Variants in NIBAN1 observed in about 807,000 individuals in gnomAD.
The protein encoded by NIBAN1 is protein Niban 1.
NIBAN1 carries 81 observed loss-of-function variants against 75.1 expected under a neutral mutation model. The observed-to-expected ratio is 1.08, with a 90% CI of 0.90 to 1.30. The LOEUF (loss-of-function observed/expected upper bound fraction) is 1.30. NIBAN1 is among the 50% of genes most tolerant of loss of function. The probability of loss-of-function intolerance (pLI) is 0.00; values close to 1 mark genes in which losing one functional copy is unlikely to be tolerated. For synonymous variants in NIBAN1, 436 were observed against 424.8 expected, an observed-to-expected ratio of 1.03 and a Z score of -0.32; for missense variants, 1,133 against 1,128.1, an observed-to-expected ratio of 1.00 and a Z score of -0.06.
chr1:184,817,693 A>G (rs535272457), intron 9 of NIBAN1, among the ~76,000 whole-genome samples: 1 of 152,204 alleles, frequency 6.6e-6, no homozygotes, highest in Admixed American at 6.5e-5. Flanking sequence ...GGCTGTTCAT[A>G]TCCTTTGCAA....
intron 12 of NIBAN1, among the ~76,000 whole-genome samples, chr1:184,798,510 G>C (rs1446393645): frequency 6.6e-6 from 1 of 152,172 alleles, no homozygotes; most frequent in African/African-American, 2.4e-5. Flanking sequence ...CATGGGAGAA[G>C]ACAGCAGTGA....
intron 5 of NIBAN1, among the ~76,000 whole-genome samples, chr1:184,852,038 C>A (rs1378278538): frequency 1.6e-4 from 24 of 152,210 alleles, no homozygotes; most frequent in African/African-American, 5.8e-4. Flanking sequence ...CTTCGGTGAG[C>A]AGAGACTCAC....
intron 2 of NIBAN1, among the ~76,000 whole-genome samples, chr1:184,896,501 T>C (rs1318500394): frequency 6.6e-6 from 1 of 152,146 alleles, no homozygotes; most frequent in Non-Finnish European, 1.5e-5. Flanking sequence ...GTTATCTGTT[T>C]ATTTTGTTGA....
intron 12 of NIBAN1, among the ~76,000 whole-genome samples, chr1:184,802,679 A>G (rs914272655): frequency 6.6e-6 from 1 of 152,238 alleles, no homozygotes; most frequent in Non-Finnish European, 1.5e-5. Flanking sequence ...CAGTGCTTGG[A>G]GACTCTCCGA....
intron 1 of NIBAN1, among the ~76,000 whole-genome samples, chr1:184,918,916 C>T (rs904825986): frequency 7.9e-5 from 12 of 152,330 alleles, no homozygotes; most frequent in Non-Finnish European, 1.5e-4. Context: ...TCCCAACATC[C>T]TCCACCATTG....
In NIBAN1 at chr1:184,795,566, T is replaced by C. The variant is rs566736052; in HGVS notation, c.2198A>G (p.Asp733Gly). The change falls in exon 14 of 14, where the codon GAT (aspartate) becomes GGT (glycine). Residue 733 changes from aspartate to glycine, a missense_variant. Transcript: ENST00000367511. ...GGGAACGTGGCTCTCCCCATTCGTATCTTCTTCCATCACTGGAGCAGAGTC... is the reference window on the plus strand; with the variant it reads ...GGGAACGTGGCTCTCCCCATTCGTACCTTCTTCCATCACTGGAGCAGAGTC... ...PVDSAPVMEEDTNGESHVPQE... is the reference protein window; with the variant it reads ...PVDSAPVMEEGTNGESHVPQE... The C allele has an allele frequency of 6.8e-6, 11 of 1,614,208 alleles. No homozygotes were observed. The highest frequency in any genetic ancestry group is 2.7e-5 in the African/African-American group (2 of 75,062).
chr1:184,829,284 C>A (rs182972838), intron 6 of NIBAN1, among the ~76,000 whole-genome samples: 22 of 152,110 alleles, frequency 1.4e-4, no homozygotes, highest in Middle Eastern at 3.4e-3. Context: ...TATACATATA[C>A]CCCACACACA....
chr1:184,798,233 G>T, intron 12 of NIBAN1, 43 bp from the exon 13 acceptor site: 1 of 1,259,512 alleles, frequency 7.9e-7, no homozygotes, highest in Non-Finnish European at 1.1e-6. Flanking sequence ...AAAGGCATGA[G>T]ATGCCTGTTC....
At chr1:184,863,711 G>T (rs926327263) in intron 5 of NIBAN1, among the ~76,000 whole-genome samples, 1 of 152,122 alleles carries the variant, frequency 6.6e-6, no homozygotes, top group Non-Finnish European at 1.5e-5. Flanking sequence ...CATATGACCT[G>T]GTTGCCAGAC....
At chr1:184,953,164 T>A (rs991001625) in intron 1 of NIBAN1, among the ~76,000 whole-genome samples, 4 of 152,150 alleles carry the variant, frequency 2.6e-5, no homozygotes, top group Admixed American at 6.5e-5. Context: ...GTGCAATGAG[T>A]CTTTACAACA....
chr1:184,903,802 T>C (rs1657016668), intron 1 of NIBAN1, among the ~76,000 whole-genome samples: 1 of 134,128 alleles, frequency 7.5e-6, no homozygotes, highest in Non-Finnish European at 1.6e-5. Flanking sequence ...AGTGCTGCAA[T>C]CACAGCTCAC....
chr1:184,855,581 T>G (rs1235010048), intron 5 of NIBAN1, among the ~76,000 whole-genome samples: 1 of 152,154 alleles, frequency 6.6e-6, no homozygotes, highest in African/African-American at 2.4e-5. Flanking sequence ...GCCTGACCTC[T>G]CCCCCTTCAA....
chr1:184,871,738 C>G (rs986174661), intron 5 of NIBAN1, among the ~76,000 whole-genome samples: 2 of 152,154 alleles, frequency 1.3e-5, no homozygotes, highest in African/African-American at 4.8e-5. Context: ...ATCAAAGAAC[C>G]AATGCATATA....
At chr1:184,962,113 C>G (rs939169707) in intron 1 of NIBAN1, among the ~76,000 whole-genome samples, 1 of 152,148 alleles carries the variant, frequency 6.6e-6, no homozygotes, top group Non-Finnish European at 1.5e-5. Context: ...AATAACACTT[C>G]ATTGTGAAAC....
chr1:184,805,122 T>A (rs1447745949), intron 11 of NIBAN1, among the ~76,000 whole-genome samples: 44 of 152,198 alleles, frequency 2.9e-4, no homozygotes, highest in Admixed American at 2.9e-3. Context: ...ATTTAGTTGC[T>A]AGAGTTTCCT....
chr1:184,887,151 T>C (rs886107499), intron 4 of NIBAN1, among the ~76,000 whole-genome samples: 2 of 152,008 alleles, frequency 1.3e-5, no homozygotes, highest in African/African-American at 2.4e-5. Context: ...TCAATCCGTA[T>C]TGGTTTAAAT....
chr1:184,962,196 G>A (rs1225264741), intron 1 of NIBAN1, among the ~76,000 whole-genome samples: 5 of 152,182 alleles, frequency 3.3e-5, no homozygotes, highest in African/African-American at 4.8e-5. Context: ...TAAAATAAAC[G>A]TGGGGAAGAA....
At position 184,916,372 on chromosome 1, in the gene NIBAN1, CT is replaced by C. The variant is rs75756865; in HGVS notation, c.56-17064del. Among the ~76,000 whole-genome samples, 235 of 152,288 alleles carry C rather than the reference CT, an allele frequency of 1.5e-3. 1 individual carries two copies. In the East Asian group the frequency reaches 0.038, roughly 25 times the overall value. On this transcript the variant is annotated intron_variant, in intron 1 of 13. Transcript: ENST00000367511. ...ACTTAGGTTGGAAACTTAACTTCAG[CT>C]TACATTTTAAATTTTCACTTTATTT...
intron 1 of NIBAN1, among the ~76,000 whole-genome samples, chr1:184,914,585 T>A (rs1175940738): frequency 6.6e-6 from 1 of 152,178 alleles, no homozygotes; most frequent in Non-Finnish European, 1.5e-5. Context: ...TAAGATAAAT[T>A]TTCTTATGTA....
Sources: gnomAD v4.1 joint callset for allele counts (sites outside exome capture counted in the v4.1 genomes callset) on GRCh38, gnomAD v4.1.1 for gene constraint, MANE v1.5 for transcripts, NCBI Gene and HGNC (gene_info 2026-07-23, HGNC 2026-07-21) for gene names.